The following CRPPA variants were observed in gnomAD, a reference collection of about 807,000 sequenced individuals.
The protein encoded by CRPPA is D-ribitol-5-phosphate cytidylyltransferase.
A neutral mutation model predicts 52.0 loss-of-function variants in CRPPA; 43 were observed. The observed-to-expected ratio is 0.83, with a 90% CI of 0.65 to 1.07. The LOEUF is 1.07. Among genes scored for constraint, CRPPA ranks in the 50% least tolerant of loss-of-function variants. CRPPA has a pLI of 0.00. For missense variants in CRPPA, 629 were observed against 551.7 expected, an observed-to-expected ratio of 1.14 and a Z score of -1.40; for synonymous variants, 250 against 203.5, an observed-to-expected ratio of 1.23 and a Z score of -1.94.
chr7:16,343,675 A>T (rs1353561680), intron 3 of CRPPA, among the ~76,000 whole-genome samples: 2 of 152,162 alleles, frequency 1.3e-5, no homozygotes, highest in Non-Finnish European at 2.9e-5. Context: ...CAAAACACTT[A>T]AAAGGAAAAT....
At chr7:16,153,132 CA>C (rs1783108742) in intron 9 of CRPPA, among the ~76,000 whole-genome samples, 1 of 152,018 alleles carries the variant, frequency 6.6e-6, no homozygotes, top group Admixed American at 6.5e-5. Context: ...ATAAAACTAA[CA>C]ATGCCAATTT....
chr7:16,400,627 G>C (rs966873648), intron 2 of CRPPA, among the ~76,000 whole-genome samples: 1 of 152,118 alleles, frequency 6.6e-6, no homozygotes. Context: ...GACATGATGT[G>C]ATCGAGTCAT....
At chr7:16,247,212 T>C (rs1783300393) in intron 8 of CRPPA, among the ~76,000 whole-genome samples, 1 of 152,344 alleles carries the variant, frequency 6.6e-6, no homozygotes, top group East Asian at 1.9e-4. Context: ...TCTTCTTCTG[T>C]AACTTCTTCA....
chr7:16,316,731 C>G (rs1445039727), intron 3 of CRPPA, among the ~76,000 whole-genome samples: 2 of 152,020 alleles, frequency 1.3e-5, no homozygotes, highest in Non-Finnish European at 2.9e-5. Context: ...GGGGTGCGTT[C>G]CTGTAGTCCA....
intron 3 of CRPPA, among the ~76,000 whole-genome samples, chr7:16,344,117 G>A (rs1365612878): frequency 1.3e-5 from 2 of 152,118 alleles, no homozygotes; most frequent in African/African-American, 4.8e-5. Context: ...GAGGAGATCT[G>A]ATTTTTAAAG....
chr7:16,391,029 C>T (rs1309810881), intron 2 of CRPPA, among the ~76,000 whole-genome samples: 1 of 152,146 alleles, frequency 6.6e-6, no homozygotes, highest in Non-Finnish European at 1.5e-5. Flanking sequence ...ACACCATCTA[C>T]ATGAGAACTT....
chr7:16,153,048 T>C (rs138841377), intron 9 of CRPPA, among the ~76,000 whole-genome samples: 12 of 152,208 alleles, frequency 7.9e-5, no homozygotes, highest in African/African-American at 2.9e-4. Flanking sequence ...GGATTTTCTA[T>C]ATTTGGAATT....
chr7:16,206,790 T>C lies in CRPPA; in HGVS notation c.1251+9276A>G, dbSNP rs185900364. On this transcript the variant is annotated intron_variant, in intron 9 of 9. Transcript: ENST00000407010. ...CTGTGTGAAACATCTGTGTTTTTCC[T>C]GTCCATTAAAATCCAGAGTCTAAAA... Among the ~76,000 whole-genome samples the C allele has an allele frequency of 3.0e-3, 456 of 152,252 alleles. 3 individuals carry two copies. Among genetic ancestry groups the C allele is most frequent in the Middle Eastern group, 6.8e-3 (2 of 294 alleles).
At chr7:16,193,218 T>C in intron 9 of CRPPA, among the ~76,000 whole-genome samples, 1 of 152,160 alleles carries the variant, frequency 6.6e-6, no homozygotes, top group East Asian at 1.9e-4. Context: ...CTCAATGGTA[T>C]TTCATACTTT....
chr7:16,116,686 G>GGGAAGGGAAGGGAAAGGAAAA (rs1782381778), intron 9 of CRPPA, among the ~76,000 whole-genome samples: 1 of 149,062 alleles, frequency 6.7e-6, no homozygotes, highest in Admixed American at 6.7e-5. Context: ...GGAAAGGAAA[G>GGGAAGGGAAGGGAAAGGAAAA]GGAAGGGAAA....
At chr7:16,144,285 C>T (rs2128376724) in intron 9 of CRPPA, among the ~76,000 whole-genome samples, 1 of 152,296 alleles carries the variant, frequency 6.6e-6, no homozygotes, top group South Asian at 2.1e-4. Context: ...GGCCTGCAAA[C>T]CTTAGGCCCA....
intron 9 of CRPPA, among the ~76,000 whole-genome samples, chr7:16,153,407 A>G (rs1783115624): frequency 1.3e-5 from 2 of 152,104 alleles, no homozygotes; most frequent in South Asian, 4.1e-4. Context: ...AGAATATATG[A>G]TAGAGTATCA....
Position 16,148,502 on chromosome 7 carries a change from G to A in CRPPA, c.1252-56703C>T, listed in dbSNP as rs533227493. On this transcript the variant is annotated intron_variant, in intron 9 of 9. Transcript: ENST00000407010. ...ATTTGCAGAAGCATGGATGAACCTC[G>A]AGGACATTATGTTAAGTGAAATAAG... 4.3e-4 allele frequency among the ~76,000 whole-genome samples: 65 copies of A among 152,140 alleles called. 1 individual carries two copies. The South Asian group carries it at 0.013, about 31-fold the overall frequency.
chr7:16,403,336 T>C (rs1273604892), intron 2 of CRPPA, among the ~76,000 whole-genome samples: 1 of 152,204 alleles, frequency 6.6e-6, no homozygotes, highest in Admixed American at 6.5e-5. Flanking sequence ...ACAACCTTAA[T>C]GCCAGCCTTA....
chr7:16,107,692 T>A (rs1428212020), intron 9 of CRPPA, among the ~76,000 whole-genome samples: 1 of 151,994 alleles, frequency 6.6e-6, no homozygotes, highest in South Asian at 2.1e-4. Flanking sequence ...ATCAATTGTA[T>A]AAGTAAAACA....
At chr7:16,179,019 G>A (rs535509658) in intron 9 of CRPPA, among the ~76,000 whole-genome samples, 3 of 151,366 alleles carry the variant, frequency 2.0e-5, no homozygotes, top group South Asian at 2.1e-4. Context: ...AGGCACACAC[G>A]AATCTTATCT....
chr7:16,351,198 C>CT (rs1786141702), intron 3 of CRPPA, among the ~76,000 whole-genome samples: 1 of 152,134 alleles, frequency 6.6e-6, no homozygotes, highest in South Asian at 2.1e-4. Flanking sequence ...GGAAAACCGG[C>CT]TACCCATATG....
At chr7:16,291,519 A>T (rs1359295764) in intron 5 of CRPPA, among the ~76,000 whole-genome samples, 1 of 151,946 alleles carries the variant, frequency 6.6e-6, no homozygotes, top group Non-Finnish European at 1.5e-5. Flanking sequence ...CACTCACATA[A>T]TGAAAGATAA....
chr7:16,168,664 A>G (rs1781116554), intron 9 of CRPPA, among the ~76,000 whole-genome samples: 1 of 152,076 alleles, frequency 6.6e-6, no homozygotes, highest in African/African-American at 2.4e-5. Context: ...TTCCAACTCC[A>G]TTCAACCAGA....
Sources: allele counts gnomAD v4.1 joint callset (sites outside exome capture counted in the v4.1 genomes callset), GRCh38; gene constraint gnomAD v4.1.1; transcripts MANE v1.5; gene names NCBI Gene and HGNC (gene_info 2026-07-23, HGNC 2026-07-21).